The following CD109 variants were observed in gnomAD, a reference collection of about 807,000 sequenced individuals.
CD109 encodes CD109 antigen.
CD109 carries 149 observed loss-of-function variants against 165.8 expected under a neutral mutation model. That is an observed-to-expected ratio of 0.90 (90% CI 0.79 to 1.03). CD109 has a LOEUF of 1.03. Ranked by LOEUF, CD109 falls within the 50% of genes least tolerant of loss-of-function variation. CD109 has a pLI of 0.00. For missense variants in CD109, 1,712 were observed against 1,677.8 expected (o/e 1.02, Z -0.36); for synonymous variants, 585 against 592.1 (o/e 0.99, Z 0.18).
intron 2 of CD109, chr6:73,722,994 G>A: frequency 3.7e-6 from 1 of 267,926 alleles, no homozygotes; most frequent in Non-Finnish European, 5.8e-6. Context: ...AATGATAATG[G>A]CAAAGAGAAG....
At chr6:73,726,427 G>T (rs570605939) in intron 3 of CD109, among the ~76,000 whole-genome samples, 90 of 152,228 alleles carry the variant, frequency 5.9e-4, no homozygotes, top group African/African-American at 2.1e-3. Flanking sequence ...TTTTTAATGT[G>T]TAAGTATAAT....
intron 29 of CD109, 50 bp downstream of exon 29, chr6:73,812,320 A>G (rs764749521): frequency 7.3e-6 from 9 of 1,225,610 alleles, no homozygotes; most frequent in South Asian, 4.0e-5. Flanking sequence ...TTTTATAATA[A>G]TTATTTGGTT....
chr6:73,792,331 T>G (rs1774999470), intron 22 of CD109, among the ~76,000 whole-genome samples: 1 of 152,196 alleles, frequency 6.6e-6, no homozygotes, highest in African/African-American at 2.4e-5. Flanking sequence ...TTCTGTACAT[T>G]TTTTTAAAGA....
intron 13 of CD109, 36 bp downstream of exon 13, chr6:73,767,046 A>G (rs1773881120): frequency 1.9e-6 from 3 of 1,550,364 alleles, no homozygotes; most frequent in African/African-American, 2.8e-5. Flanking sequence ...ATGATCTATT[A>G]TAGAATCATC....
chr6:73,704,133 T>C (rs1341264809), intron 2 of CD109, among the ~76,000 whole-genome samples: 1 of 150,822 alleles, frequency 6.6e-6, no homozygotes, highest in Admixed American at 6.6e-5. Context: ...TGCAGTGAGA[T>C]TGTACCAGTG....
intron 6 of CD109, among the ~76,000 whole-genome samples, chr6:73,756,897 C>G (rs140339690): frequency 2.0e-5 from 3 of 152,224 alleles, no homozygotes; most frequent in African/African-American, 7.2e-5. Context: ...CCTATAGTTG[C>G]ATTGTGCTAG....
At chr6:73,706,865 C>A (rs1172706704) in intron 2 of CD109, among the ~76,000 whole-genome samples, 1 of 152,210 alleles carries the variant, frequency 6.6e-6, no homozygotes, top group Non-Finnish European at 1.5e-5. Context: ...GAAAATATAG[C>A]TGGCAGAAAT....
intron 2 of CD109, among the ~76,000 whole-genome samples, chr6:73,710,698 C>T (rs192686115): frequency 1.3e-3 from 199 of 152,232 alleles, no homozygotes; most frequent in Middle Eastern, 0.01. Context: ...GCTGATGACT[C>T]ATTTTGGCTT....
chr6:73,813,052 CG>C (rs1206479049), intron 29 of CD109, among the ~76,000 whole-genome samples: 1 of 151,968 alleles, frequency 6.6e-6, no homozygotes, highest in African/African-American at 2.4e-5. Flanking sequence ...CTGAGTAGGG[CG>C]GGTATACCTT....
chr6:73,733,609 C>T (rs1772444102), intron 4 of CD109, among the ~76,000 whole-genome samples: 1 of 152,326 alleles, frequency 6.6e-6, no homozygotes, highest in South Asian at 2.1e-4. Context: ...GGCTTCTGCT[C>T]TGACCTCTCC....
chr6:73,765,805 C>G (rs1226169551), intron 10 of CD109, 125 bp from the exon 11 acceptor site: 1 of 669,406 alleles, frequency 1.5e-6, no homozygotes, highest in East Asian at 2.7e-5. Context: ...GCCACTGAAT[C>G]TGGATATTAT....
At chr6:73,690,668 G>A in the CD109 span, among the ~76,000 whole-genome samples, 1 of 152,214 alleles carries the variant, frequency 6.6e-6, no homozygotes, top group Non-Finnish European at 1.5e-5. Flanking sequence ...CCCAAGTGCT[G>A]GGATTACAGG....
At position 73,761,068 on chromosome 6, in the gene CD109, CACAA is replaced by C. The variant is rs1207232502; in HGVS notation, c.759-1313_759-1310del. Among the ~76,000 whole-genome samples the C allele has an allele frequency of 2.0e-4, 27 of 133,110 alleles. 1 individual carries two copies. Among genetic ancestry groups the C allele is most frequent in the African/African-American group, 6.7e-4 (23 of 34,578 alleles). The allele number at this position is 133,110 out of a possible 152,430, so 87.3% of individuals were successfully genotyped here. A position where few individuals can be genotyped will look rare whatever the true frequency, so the allele number is the denominator to read the frequency against. ...ACACACACACACACACACACACACA[CACAA>C]ACCCAGAAACTAAGTTTGGTACTAC... On this transcript the variant is annotated intron_variant, in intron 7 of 32. Coordinates refer to ENST00000287097, the MANE Select transcript of CD109 (RefSeq NM_133493.5).
chr6:73,741,816 G>A (rs765634311), intron 5 of CD109, among the ~76,000 whole-genome samples: 1 of 152,042 alleles, frequency 6.6e-6, no homozygotes, highest in Non-Finnish European at 1.5e-5. Context: ...GATTACAGGT[G>A]TGCACCATCA....
chr6:73,700,368 G>A (rs960228706), intron 2 of CD109, among the ~76,000 whole-genome samples: 1 of 151,924 alleles, frequency 6.6e-6, no homozygotes, highest in Non-Finnish European at 1.5e-5. Flanking sequence ...TTATGGGTAT[G>A]AGCCTGATTG....
At chr6:73,691,575 G>A (rs1435350746), upstream of CD109, among the ~76,000 whole-genome samples, 3 of 152,178 alleles carry the variant, frequency 2.0e-5, no homozygotes, top group East Asian at 3.8e-4. Flanking sequence ...TTCTCCTGCA[G>A]GTTACTCATG....
Position 73,766,086 on chromosome 6 carries a change from G to A in CD109, c.1264G>A (p.Val422Ile), listed in dbSNP as rs1773832850. The change falls in exon 11 of 33, where the codon GTC becomes ATC. Residue 422 changes from valine (V) to isoleucine (I), a missense_variant. By Grantham distance (29) the Val-to-Ile change is conservative. Transcript: ENST00000287097. ...AGCTGTTCAGAAAATAAATTATACT[G>A]TCCCCCAAAGTGGAACTTTTAAGAT... Reference protein sequence around the residue: ...MEAVQKINYTVPQSGTFKIEF... With the variant: ...MEAVQKINYTIPQSGTFKIEF... 1 of 1,614,048 alleles carries A rather than the reference G, an allele frequency of 6.2e-7. No individual in the cohort carries two copies. The highest frequency in any genetic ancestry group is 8.5e-7 in the Non-Finnish European group (1 of 1,179,970).
intron 2 of CD109, among the ~76,000 whole-genome samples, chr6:73,714,500 A>T (rs569292226): frequency 3.3e-5 from 5 of 152,282 alleles, no homozygotes; most frequent in African/African-American, 1.2e-4. Flanking sequence ...TCCCTTCTGC[A>T]GGTGCTGATC....
At chr6:73,779,878 G>T (rs964901893) in intron 15 of CD109, among the ~76,000 whole-genome samples, 1 of 151,936 alleles carries the variant, frequency 6.6e-6, no homozygotes, top group Admixed American at 6.6e-5. Context: ...TGCTAATGGG[G>T]TACATGCAAA....
Sources: gnomAD v4.1 joint callset for allele counts (sites outside exome capture counted in the v4.1 genomes callset) on GRCh38, gnomAD v4.1.1 for gene constraint, MANE v1.5 for transcripts, NCBI Gene and HGNC (gene_info 2026-07-23, HGNC 2026-07-21) for gene names.